PNPO: variants seen among roughly 807,000 people sequenced by gnomAD.
The protein encoded by PNPO is pyridoxine-5'-phosphate oxidase.
PNPO carries 39 observed loss-of-function variants against 35.0 expected under a neutral mutation model. The observed-to-expected ratio is 1.11, with a 90% CI of 0.86 to 1.45. The LOEUF (loss-of-function observed/expected upper bound fraction) is 1.45. Among genes scored for constraint, PNPO ranks in the 40% most tolerant of loss-of-function variants. The probability of loss-of-function intolerance (pLI) is 0.00; values close to 1 mark genes in which losing one functional copy is unlikely to be tolerated. For synonymous variants in PNPO, 115 were observed against 119.8 expected, an observed-to-expected ratio of 0.96 and a Z score of 0.26; for missense variants, 288 against 340.0, an observed-to-expected ratio of 0.85 and a Z score of 1.20.
intron 5 of PNPO, 81 bp from the exon 6 acceptor site, chr17:47,946,242 C>G (rs912973976): frequency 6.5e-5 from 77 of 1,189,188 alleles, no homozygotes; most frequent in Non-Finnish European, 9.4e-5. Flanking sequence ...ACCCATGTCC[C>G]CAGCACATAT....
chr17:47,947,847 G>C lies in PNPO; in HGVS notation c.*1065G>C, dbSNP rs1679939076. 1 of 151,974 alleles carries C rather than the reference G, an allele frequency of 6.6e-6. No individual in the cohort carries two copies. 9.4% of individuals were successfully genotyped at this position (151,974 alleles called of 1,614,324 possible). ...CAGCGAGACGGGGTTTCATTATGTT[G>C]GCCAGGCTGGTCTCCAACTCCTGAC... On this transcript the variant is annotated 3_prime_UTR_variant, in exon 7 of 7. Coordinates refer to ENST00000642017, the MANE Select transcript of PNPO (RefSeq NM_018129.4).
At chr17:47,943,191 A>T in intron 1 of PNPO, 115 bp from the exon 2 acceptor site, 1 of 773,014 alleles carries the variant, frequency 1.3e-6, no homozygotes, top group Non-Finnish European at 2.2e-6. Flanking sequence ...TTCTTATTTT[A>T]AGGTCATTGT....
chr17:47,946,210 C>A, intron 5 of PNPO, 113 bp from the exon 6 acceptor site: 3 of 1,032,108 alleles, frequency 2.9e-6, no homozygotes, highest in Non-Finnish European at 4.6e-6. Context: ...TCCTGGAGGA[C>A]AGAGGCCAGT....
chr17:47,945,820 G>A lies in PNPO; in HGVS notation c.418-41G>A, dbSNP rs755327034. 25 of 1,606,832 alleles carry A rather than the reference G, an allele frequency of 1.6e-5. No homozygotes were observed. Among genetic ancestry groups the A allele is most frequent in the Middle Eastern group, 1.7e-4 (1 of 5,874 alleles). On this transcript the variant is annotated intron_variant, in intron 4 of 6. Transcript: ENST00000642017. The surrounding 1 kb of genome is among the most constrained non-coding windows in gnomAD (Gnocchi z 4.0). ...GGGCCTGTGCTGGTAGGGAGGGCAG[G>A]TGGCATTTAATGCCATTCACCCAGA... is the stretch of plus-strand genomic sequence containing the variant.
rs1466672254 is a variant in PNPO, at chr17:47,941,686, G to A, written c.11G>A (p.Trp4Ter). ...GGCCGGCGGCCCCCCATGACGTGCT[G>A]GCTGCGGGGCGTCACGGCGACGTTC... MTC[W>*]LRGVTATFGR... is the part of the protein sequence containing the mutation. Residue 4 changes from tryptophan (W) to a stop codon, truncating the protein, a stop_gained, in exon 1 of 7, where the codon TGG becomes TAG. Transcript: ENST00000642017. LOFTEE classifies it high-confidence loss of function. 1 of 1,539,620 alleles carries A rather than the reference G, an allele frequency of 6.5e-7. No individual in the cohort carries two copies. Among genetic ancestry groups the A allele is most frequent in the Admixed American group, 2.0e-5 (1 of 50,806 alleles).
Position 47,948,703 on chromosome 17 carries a change from C to T in PNPO, c.*1921C>T, listed in dbSNP as rs548976526. On this transcript the variant is annotated 3_prime_UTR_variant, in exon 7 of 7. Coordinates refer to ENST00000642017, the MANE Select transcript of PNPO (RefSeq NM_018129.4). ...AGACTCAACCTCTAAACCAAGACCT[C>T]CCACCCTCACAGTCTATGATCCTTT... 1 of 152,442 alleles carries T rather than the reference C, an allele frequency of 6.6e-6. No homozygotes were observed. Among genetic ancestry groups the T allele is most frequent in the African/African-American group, 2.4e-5 (1 of 41,578 alleles). 9.4% of individuals were successfully genotyped at this position (152,442 alleles called of 1,614,324 possible). A position where few individuals can be genotyped will look rare whatever the true frequency, so the allele number is the denominator to read the frequency against.
At chr17:47,942,733 G>C in intron 1 of PNPO, among the ~76,000 whole-genome samples, 1 of 152,134 alleles carries the variant, frequency 6.6e-6, no homozygotes, top group Non-Finnish European at 1.5e-5. Context: ...AGTTTTTCCA[G>C]CCTGGGCAAC....
At chr17:47,946,165 G>T (rs1340298139) in intron 5 of PNPO, 158 bp from the exon 6 acceptor site, 3 of 1,021,370 alleles carry the variant, frequency 2.9e-6, no homozygotes, top group Non-Finnish European at 4.5e-6. Context: ...GGGGAAATAG[G>T]CCTCCTCTGT....
intron 2 of PNPO, among the ~76,000 whole-genome samples, chr17:47,944,236 T>TGTGTGTGTGTGTGTG (rs56185758): frequency 7.1e-6 from 1 of 140,358 alleles, no homozygotes; most frequent in African/African-American, 2.7e-5. Flanking sequence ...TGTGTGTGTG[T>TGTGTGTGTGTGTGTG]TGTGGAGGGC....
intron 6 of PNPO, 50 bp from the exon 7 acceptor site, chr17:47,946,564 C>A: frequency 6.3e-7 from 1 of 1,592,710 alleles, no homozygotes; most frequent in Non-Finnish European, 8.6e-7. Flanking sequence ...GGGAGAGTGA[C>A]CTGGCTAGAA....
Position 47,944,635 on chromosome 17 carries a change from C to T in PNPO, c.283C>T (p.Arg95Cys), listed in dbSNP as rs1483600034. ...TCTRDGKPSA[R>C]MLLLKGFGKD... ...TCCTAGAGATGGAAAACCCTCTGCT[C>T]GCATGTTGCTGCTGAAGGGCTTCGG... Residue 95 changes from arginine (R) to cysteine (C), a missense_variant, in exon 3 of 7, where the codon CGC becomes TGC. Arg to Cys is a radical substitution (Grantham distance 180). Coordinates refer to ENST00000642017, the MANE Select transcript of PNPO (RefSeq NM_018129.4). 4 of 1,614,012 alleles carry T rather than the reference C, an allele frequency of 2.5e-6. No homozygotes were observed. Among genetic ancestry groups the T allele is most frequent in the East Asian group, 2.2e-5 (1 of 44,892 alleles).
Position 47,944,617 on chromosome 17 carries a change from G to A in PNPO, c.265G>A (p.Asp89Asn), listed in dbSNP as rs1238392081. 5.0e-6 allele frequency: 8 copies of A among 1,613,158 alleles called. No individual in the cohort carries two copies. The highest frequency in any genetic ancestry group is 6.8e-6 in the Non-Finnish European group (8 of 1,179,196). Residue 89 changes from aspartate (D) to asparagine (N), a missense_variant and splice_region_variant, in exon 3 of 7, where the codon GAT becomes AAT. Transcript: ENST00000642017. ...NAMCLATCTR[D>N]GKPSARMLLL... is the part of the protein sequence containing the mutation. ...CAGTGCTCTGCTCTTTGCTCCTAGA[G>A]ATGGAAAACCCTCTGCTCGCATGTT...
In PNPO at chr17:47,941,631, A is replaced by C; in HGVS notation, c.-45A>C. On this transcript the variant is annotated 5_prime_UTR_variant, in exon 1 of 7. Transcript: ENST00000642017. ...AGAAATTGGTTCCGAACTCAAAGGA[A>C]CCCAGTGCCGGGCCACAGCCGGGTC... The C allele has an allele frequency of 6.7e-7, 1 of 1,500,204 alleles. No homozygotes were observed. The highest frequency in any genetic ancestry group is 9.0e-7 in the Non-Finnish European group (1 of 1,116,378). The allele number at this position is 1,500,204 out of a possible 1,614,324, so 92.9% of individuals were successfully genotyped here. A position where few individuals can be genotyped will look rare whatever the true frequency, so the allele number is the denominator to read the frequency against.
In PNPO at chr17:47,941,739, C is replaced by T. The variant is rs753990378; in HGVS notation, c.64C>T (p.Leu22Phe). ...FGRPAEWPGY[L>F]SHLCGRSAAM... ...GCGACCTGCCGAGTGGCCAGGCTAC[C>T]TCAGTCACCTGTGTGGTCGCAGTGC... Residue 22 changes from leucine (L) to phenylalanine (F), a missense_variant, in exon 1 of 7, where the codon CTC (leucine) becomes TTC (phenylalanine). Coordinates refer to ENST00000642017, the MANE Select transcript of PNPO (RefSeq NM_018129.4). 2 of 1,554,612 alleles carry T rather than the reference C, an allele frequency of 1.3e-6. No individual in the cohort carries two copies. The highest frequency in any genetic ancestry group is 4.8e-5 in the East Asian group (2 of 41,342).
rs1357076165 is a variant in PNPO, at chr17:47,947,048, G to A, written c.*266G>A. On this transcript the variant is annotated 3_prime_UTR_variant, in exon 7 of 7. Coordinates refer to ENST00000642017, the MANE Select transcript of PNPO (RefSeq NM_018129.4). ...TTTGACCTTGCCTATGATTGATTAGGATAGCTCCCTCTAGGGGTAGCAGCC... is the reference window on the plus strand; with the variant it reads ...TTTGACCTTGCCTATGATTGATTAGAATAGCTCCCTCTAGGGGTAGCAGCC... 4.3e-6 allele frequency: 2 copies of A among 467,904 alleles called. No individual in the cohort carries two copies. Among genetic ancestry groups the A allele is most frequent in the African/African-American group, 2.0e-5 (1 of 50,712 alleles). The allele number at this position is 467,904 out of a possible 1,614,324, so 29.0% of individuals were successfully genotyped here.
At position 47,943,298 on chromosome 17, in the gene PNPO, T is replaced by C. The variant is rs2144160514; in HGVS notation, c.139-8T>C. The C allele has an allele frequency of 1.2e-6, 2 of 1,611,804 alleles. No homozygotes were observed. Among genetic ancestry groups the C allele is most frequent in the Non-Finnish European group, 1.7e-6 (2 of 1,178,144 alleles). On this transcript the variant is annotated splice_region_variant and splice_polypyrimidine_tract_variant and intron_variant, in intron 1 of 6. Transcript: ENST00000642017. ...TGTTTATTAAATGAAATAAATCTCC[T>C]TTCCTAGGCATTTGAGGAGACTCAT...
chr17:47,941,691 C>A lies in PNPO; in HGVS notation c.16C>A (p.Arg6=), dbSNP rs765997859. 9.8e-5 allele frequency: 151 copies of A among 1,538,840 alleles called. No individual in the cohort carries two copies. The highest frequency in any genetic ancestry group is 1.3e-4 in the Non-Finnish European group (145 of 1,139,466). The change falls in exon 1 of 7, where the codon CGG becomes AGG. Residue 6 remains arginine, a synonymous_variant. Coordinates refer to ENST00000642017, the MANE Select transcript of PNPO (RefSeq NM_018129.4). ...GCGGCCCCCCATGACGTGCTGGCTG[C>A]GGGGCGTCACGGCGACGTTCGGGCG... MTCWL[R]GVTATFGRPA... is the part of the protein sequence containing the mutation.
chr17:47,946,669 C>T lies in PNPO; in HGVS notation c.673C>T (p.Arg225Cys), dbSNP rs769266169. The change falls in exon 7 of 7, where the codon CGC (arginine) becomes TGC (cysteine). Residue 225 changes from arginine to cysteine, a missense_variant. Transcript: ENST00000642017. Reference sequence around the variant, plus strand: ...GGAGTTCTGGCAAGGTCAAACCAACCGCCTGCATGACCGGATAGTCTTTCG... The same window carrying T: ...GGAGTTCTGGCAAGGTCAAACCAACTGCCTGCATGACCGGATAGTCTTTCG... ...VMEFWQGQTN[R>C]LHDRIVFRRG... 3.0e-5 allele frequency: 49 copies of T among 1,614,180 alleles called. No homozygotes were observed. The highest frequency in any genetic ancestry group is 8.3e-5 in the Admixed American group (5 of 60,026).
rs770757573 is a variant in PNPO at position 47,941,640 on chromosome 17, C to T, written c.-36C>T. On this transcript the variant is annotated 5_prime_UTR_variant, in exon 1 of 7. Coordinates refer to ENST00000642017, the MANE Select transcript of PNPO (RefSeq NM_018129.4). ...TTCCGAACTCAAAGGAACCCAGTGC[C>T]GGGCCACAGCCGGGTCACGTGGCCG... is the stretch of plus-strand genomic sequence containing the variant. 1.3e-6 allele frequency: 2 copies of T among 1,509,542 alleles called. No individual in the cohort carries two copies. The highest frequency in any genetic ancestry group is 2.0e-5 in the Admixed American group (1 of 48,900). 93.5% of individuals were successfully genotyped at this position (1,509,542 alleles called of 1,614,324 possible).
Sources: allele counts gnomAD v4.1 joint callset (sites outside exome capture counted in the v4.1 genomes callset), GRCh38; gene constraint gnomAD v4.1.1; non-coding constraint Gnocchi (gnomAD v3.1); transcripts MANE v1.5; gene names NCBI Gene and HGNC (gene_info 2026-07-23, HGNC 2026-07-21).